CCDC178: variants seen among roughly 807,000 people sequenced by gnomAD.
The protein encoded by CCDC178 is coiled-coil domain containing 178.
A neutral mutation model predicts 117.4 loss-of-function variants in CCDC178; 126 were observed. The observed-to-expected ratio is 1.07, with a 90% confidence interval of 0.93 to 1.24. CCDC178 has a LOEUF of 1.24. Ranked by LOEUF, CCDC178 falls within the 50% of genes most tolerant of loss-of-function variation. CCDC178 has a pLI of 0.00. For missense variants in CCDC178, 1,030 were observed against 986.9 expected (o/e 1.04, Z -0.59); for synonymous variants, 283 against 313.4 (o/e 0.90, Z 1.02).
chr18:33,114,907 T>C (rs1310868371), intron 20 of CCDC178, among the ~76,000 whole-genome samples: 3 of 152,024 alleles, frequency 2.0e-5, no homozygotes, highest in Non-Finnish European at 4.4e-5. Context: ...AAAAAGAATG[T>C]GGCTGCCTAG....
intron 12 of CCDC178, among the ~76,000 whole-genome samples, chr18:33,277,932 C>A (rs59342170): frequency 0.069 from 10,461 of 152,032 alleles, 556 homozygotes; most frequent in African/African-American, 0.14. Context: ...ACATGAAAGG[C>A]ACAAATTATG....
At chr18:33,439,455 A>G (rs2064345745) in intron 2 of CCDC178, among the ~76,000 whole-genome samples, 1 of 152,230 alleles carries the variant, frequency 6.6e-6, no homozygotes. Context: ...GAAATTAGAC[A>G]GATATAGTTT....
chr18:33,057,929 T>C (rs9676246), intron 21 of CCDC178, among the ~76,000 whole-genome samples: 21,668 of 152,120 alleles, frequency 0.14, 2,395 homozygotes, highest in African/African-American at 0.31. Flanking sequence ...TAGGGAAATG[T>C]AAACCACATC....
chr18:33,306,654 G>A (rs190995891), intron 11 of CCDC178, among the ~76,000 whole-genome samples: 245 of 148,660 alleles, frequency 1.6e-3, no homozygotes, highest in Non-Finnish European at 2.9e-3. Context: ...GTTATGTCTA[G>A]CATGCTACCA....
At chr18:33,332,937 G>A (rs944918282) in intron 10 of CCDC178, among the ~76,000 whole-genome samples, 1 of 151,844 alleles carries the variant, frequency 6.6e-6, no homozygotes, top group African/African-American at 2.4e-5. Context: ...TATTTTAAAT[G>A]ACCAAAATTT....
intron 11 of CCDC178, among the ~76,000 whole-genome samples, chr18:33,299,108 T>A (rs1361601063): frequency 6.6e-6 from 1 of 152,128 alleles, no homozygotes; most frequent in East Asian, 1.9e-4. Flanking sequence ...ATAGAAATTT[T>A]TAAAAAGTTA....
intron 20 of CCDC178, among the ~76,000 whole-genome samples, chr18:33,161,000 T>C (rs2058455382): frequency 6.6e-6 from 1 of 152,166 alleles, no homozygotes; most frequent in Non-Finnish European, 1.5e-5. Context: ...TTGGAAAATC[T>C]ATTTTATTTC....
At chr18:33,431,794 C>G (rs1158561665) in intron 2 of CCDC178, among the ~76,000 whole-genome samples, 1 of 152,198 alleles carries the variant, frequency 6.6e-6, no homozygotes, top group Non-Finnish European at 1.5e-5. Flanking sequence ...AGTCCCGCAG[C>G]TGGTCTACTC....
chr18:33,025,372 T>C (rs1319973007), intron 21 of CCDC178, among the ~76,000 whole-genome samples: 2 of 152,052 alleles, frequency 1.3e-5, no homozygotes, highest in African/African-American at 2.4e-5. Context: ...AAAAACATAA[T>C]GTATAGAAGG....
intron 20 of CCDC178, among the ~76,000 whole-genome samples, chr18:33,207,804 G>T (rs190108936): frequency 1.3e-5 from 2 of 152,126 alleles, no homozygotes; most frequent in Admixed American, 1.3e-4. Context: ...GTGACATGAT[G>T]CTAGAGAGAG....
intron 21 of CCDC178, among the ~76,000 whole-genome samples, chr18:33,021,703 A>C (rs1266408890): frequency 6.6e-6 from 1 of 151,960 alleles, no homozygotes; most frequent in Admixed American, 6.6e-5. Flanking sequence ...TTATTCCTCA[A>C]ACTGCTACAA....
chr18:33,305,765 G>A (rs1017504554), intron 11 of CCDC178, among the ~76,000 whole-genome samples: 1 of 152,070 alleles, frequency 6.6e-6, no homozygotes, highest in East Asian at 1.9e-4. Context: ...TCTCCTCCTT[G>A]CTGAAGCCCC....
intron 20 of CCDC178, among the ~76,000 whole-genome samples, chr18:33,127,106 T>C (rs1234339236): frequency 1.3e-5 from 2 of 151,710 alleles, no homozygotes; most frequent in African/African-American, 4.8e-5. Context: ...TATGTGTGTA[T>C]AGATATCTAT....
chr18:33,213,553 C>T (rs1433312420), intron 19 of CCDC178, among the ~76,000 whole-genome samples: 1 of 151,436 alleles, frequency 6.6e-6, no homozygotes, highest in Non-Finnish European at 1.5e-5. Context: ...CCCAAAAAAA[C>T]ATTGATATAT....
intron 8 of CCDC178, among the ~76,000 whole-genome samples, chr18:33,347,305 TG>T (rs2062909891): frequency 6.6e-6 from 1 of 152,190 alleles, no homozygotes; most frequent in Non-Finnish European, 1.5e-5. Context: ...TTTTTTATGT[TG>T]CTTTTGGACA....
chr18:33,048,172 C>G (rs1482791031), intron 21 of CCDC178, among the ~76,000 whole-genome samples: 1 of 152,178 alleles, frequency 6.6e-6, no homozygotes, highest in Non-Finnish European at 1.5e-5. Flanking sequence ...AGACAGATCT[C>G]TCTCTAGCAT....
At chr18:33,116,846 A>C (rs983055049) in intron 20 of CCDC178, among the ~76,000 whole-genome samples, 1 of 152,142 alleles carries the variant, frequency 6.6e-6, no homozygotes, top group African/African-American at 2.4e-5. Context: ...ACAGGGTCCT[A>C]TATTATATGC....
chr18:32,946,612 C>T (rs2054355215), intron 22 of CCDC178, among the ~76,000 whole-genome samples: 1 of 151,790 alleles, frequency 6.6e-6, no homozygotes, highest in African/African-American at 2.4e-5. Context: ...AGAACCTAGT[C>T]CGGTGCATGG....
intron 21 of CCDC178, among the ~76,000 whole-genome samples, chr18:32,975,512 A>T (rs2055011784): frequency 6.6e-6 from 1 of 152,222 alleles, no homozygotes; most frequent in Non-Finnish European, 1.5e-5. Context: ...ATACAGAATT[A>T]TTATAATAAG....
Sources: allele counts gnomAD v4.1 joint callset (sites outside exome capture counted in the v4.1 genomes callset), GRCh38; gene constraint gnomAD v4.1.1; transcripts MANE v1.5; gene names NCBI Gene and HGNC (gene_info 2026-07-23, HGNC 2026-07-21).